HOXD3: variants seen among roughly 807,000 people sequenced by gnomAD.
HOXD3 encodes the protein homeobox D3.
In HOXD3, 13 loss-of-function variants were observed where a neutral mutation model predicts 32.8. That is an observed-to-expected ratio of 0.40 (90% CI 0.26 to 0.63). HOXD3 has a LOEUF of 0.63. HOXD3 is among the 20% of genes least tolerant of loss of function. The pLI, the probability that HOXD3 is intolerant of heterozygous loss-of-function variation, is 0.44. For synonymous variants in HOXD3, 241 were observed against 246.8 expected (o/e 0.98, Z 0.22); for missense variants, 504 against 577.1 (o/e 0.87, Z 1.30).
chr2:176,169,923 C>T (rs529549968), intron 3 of HOXD3, among the ~76,000 whole-genome samples: 14 of 152,146 alleles, frequency 9.2e-5, no homozygotes, highest in African/African-American at 3.4e-4. Context: ...TATCTGTTTT[C>T]CTGGGCTGCT....
intron 2 of HOXD3, among the ~76,000 whole-genome samples, chr2:176,167,817 T>C (rs954121772): frequency 3.3e-5 from 5 of 151,366 alleles, no homozygotes; most frequent in African/African-American, 4.9e-5. Context: ...AATTCACCTA[T>C]TCAACAAGCA....
upstream of HOXD3, among the ~76,000 whole-genome samples, chr2:176,155,020 C>A (rs995778845): frequency 6.6e-6 from 1 of 152,130 alleles, no homozygotes; most frequent in Admixed American, 6.5e-5. Context: ...GTATTTCAGC[C>A]GGGAGGACTG....
rs766630331 is a variant in HOXD3 at position 176,171,501 on chromosome 2, C to T, written c.542-16C>T. On this transcript the variant is annotated splice_polypyrimidine_tract_variant and intron_variant, in intron 3 of 3. Transcript: ENST00000683222. ...CCCACTCGCTCAGCGCCCTCCCTCTCTCCCTCCCTGCCCAGGAGAGAGCTG... is the reference window on the plus strand; with the variant it reads ...CCCACTCGCTCAGCGCCCTCCCTCTTTCCCTCCCTGCCCAGGAGAGAGCTG... 3.2e-6 allele frequency: 5 copies of T among 1,564,484 alleles called. No homozygotes were observed. Among genetic ancestry groups the T allele is most frequent in the Non-Finnish European group, 3.5e-6 (4 of 1,154,038 alleles).
intron 1 of HOXD3, among the ~76,000 whole-genome samples, chr2:176,157,874 C>T (rs2105429653): frequency 6.6e-6 from 1 of 152,168 alleles, no homozygotes; most frequent in Non-Finnish European, 1.5e-5. Flanking sequence ...GTTGCCTGGT[C>T]GCCTGTGTCT....
rs1380090116 is a variant in HOXD3, at chr2:176,172,353, C to T, written c.*79C>T. The T allele has an allele frequency of 1.5e-5, 20 of 1,363,370 alleles. No individual in the cohort carries two copies. The highest frequency in any genetic ancestry group is 2.0e-5 in the Non-Finnish European group (20 of 1,015,424). The allele number at this position is 1,363,370 out of a possible 1,614,324, so 84.5% of individuals were successfully genotyped here. On this transcript the variant is annotated 3_prime_UTR_variant, in exon 4 of 4. Transcript: ENST00000683222. Reference sequence around the variant, plus strand: ...GGGGTAGAGGGTGGGGCCCGCGGGGCAGTTCGGGAACCCCCTTCCCCGCTC... The same window carrying T: ...GGGGTAGAGGGTGGGGCCCGCGGGGTAGTTCGGGAACCCCCTTCCCCGCTC...
upstream of HOXD3, among the ~76,000 whole-genome samples, chr2:176,156,722 C>T (rs1248330307): frequency 3.3e-5 from 5 of 152,170 alleles, no homozygotes; most frequent in Non-Finnish European, 2.9e-5. Context: ...CTACATTTAC[C>T]GCAAGGGCTT....
Position 176,169,484 on chromosome 2 carries a change from C to T in HOXD3, c.370C>T (p.Pro124Ser), listed in dbSNP as rs1475391274. Residue 124 changes from proline (P) to serine (S), a missense_variant, in exon 3 of 4, where the codon CCG becomes TCG. Pro to Ser is a moderately conservative substitution (Grantham distance 74). Around this residue, in one of 3 missense-constraint regions of HOXD3, gnomAD observed 181 missense variants for 172.2 expected, o/e 1.05. Transcript: ENST00000683222. ...QQPPQPPPPP[P>S]TLPPSSPTNP... ...GCCACCACAACCCCCTCCTCCACCA[C>T]CGACCCTGCCCCCATCTTCACCCAC... The T allele has an allele frequency of 2.5e-6, 4 of 1,613,706 alleles. No individual in the cohort carries two copies. The highest frequency in any genetic ancestry group is 3.4e-6 in the Non-Finnish European group (4 of 1,179,824).
chr2:176,159,986 C>A (rs937695614), intron 1 of HOXD3, among the ~76,000 whole-genome samples: 3 of 152,214 alleles, frequency 2.0e-5, no homozygotes, highest in East Asian at 3.9e-4. Flanking sequence ...GGGTCCGGGT[C>A]GCCTGCTACG....
chr2:176,157,643 CGAGT>C (rs943575180), intron 1 of HOXD3, among the ~76,000 whole-genome samples, 191 bp downstream of exon 1: 5 of 151,844 alleles, frequency 3.3e-5, no homozygotes, highest in Admixed American at 2.0e-4. Context: ...TGAGAGCGGC[CGAGT>C]GTGTGTGTGT....
chr2:176,157,250 A>G (rs928385502), upstream of HOXD3, among the ~76,000 whole-genome samples: 10 of 152,134 alleles, frequency 6.6e-5, no homozygotes, highest in African/African-American at 2.4e-4. Context: ...AGATTTCTAC[A>G]AGTCCCGACC....
chr2:176,171,536 G>T lies in HOXD3; in HGVS notation c.561G>T (p.Lys187Asn). 2 of 1,592,554 alleles carry T rather than the reference G, an allele frequency of 1.3e-6. No individual in the cohort carries two copies. The highest frequency in any genetic ancestry group is 1.7e-6 in the Non-Finnish European group (2 of 1,168,482). Residue 187 changes from lysine to asparagine, a missense_variant, in exon 4 of 4, where the codon AAG becomes AAT. By Grantham distance (94) the Lys-to-Asn change is moderately conservative. This residue lies in a region of HOXD3 where 97 missense variants were observed against 158.0 expected (regional missense o/e 0.61). Transcript: ENST00000683222. ...CATAGESCED[K>N]SPPGPASKRV... ...GCCCAGGAGAGAGCTGCGAGGACAA[G>T]AGCCCGCCAGGCCCAGCATCCAAGC...
intron 2 of HOXD3, among the ~76,000 whole-genome samples, chr2:176,167,377 T>G (rs914655933): frequency 6.6e-6 from 1 of 152,228 alleles, no homozygotes; most frequent in Non-Finnish European, 1.5e-5. Context: ...CTCACCCATG[T>G]TCCATGCATT....
Position 176,169,626 on chromosome 2 carries a change from C to G in HOXD3, c.512C>G (p.Ser171Cys). The G allele has an allele frequency of 6.2e-7, 1 of 1,607,704 alleles. No individual in the cohort carries two copies. The highest frequency in any genetic ancestry group is 8.5e-7 in the Non-Finnish European group (1 of 1,176,242). The change falls in exon 3 of 4, where the codon TCC (serine) becomes TGC (cysteine). Residue 171 changes from serine to cysteine, a missense_variant. This residue lies in a region of HOXD3 where 97 missense variants were observed against 158.0 expected (regional missense o/e 0.61). Transcript: ENST00000683222. ...FPWMKESRQN[S>C]KQKNSCATAG... Reference sequence around the variant, plus strand: ...TGGATGAAAGAGTCTCGACAGAACTCCAAGCAGAAGAACAGCTGTGCCACT... The same window carrying G: ...TGGATGAAAGAGTCTCGACAGAACTGCAAGCAGAAGAACAGCTGTGCCACT...
chr2:176,171,712 G>T lies in HOXD3; in HGVS notation c.737G>T (p.Arg246Leu), dbSNP rs747637499. 1 of 1,614,120 alleles carries T rather than the reference G, an allele frequency of 6.2e-7. No individual in the cohort carries two copies. Among genetic ancestry groups the T allele is most frequent in the Non-Finnish European group, 8.5e-7 (1 of 1,180,032 alleles). Residue 246 changes from arginine (R) to leucine (L), a missense_variant, in exon 4 of 4, where the codon CGC (arginine) becomes CTC (leucine). By Grantham distance (102) the Arg-to-Leu change is moderately radical. Coordinates refer to ENST00000683222, the MANE Select transcript of HOXD3 (RefSeq NM_006898.5). ...ATCAAGATCTGGTTCCAGAACCGGCGCATGAAGTACAAGAAGGACCAGAAG... is the reference window on the plus strand; with the variant it reads ...ATCAAGATCTGGTTCCAGAACCGGCTCATGAAGTACAAGAAGGACCAGAAG... ...RQIKIWFQNR[R>L]MKYKKDQKAK... is the part of the protein sequence containing the mutation.
upstream of HOXD3, among the ~76,000 whole-genome samples, chr2:176,156,398 A>G (rs1440046423): frequency 6.6e-6 from 1 of 152,230 alleles, no homozygotes; most frequent in East Asian, 1.9e-4. Flanking sequence ...CCAGGTTGGC[A>G]TTCTGCTGGG....
upstream of HOXD3, among the ~76,000 whole-genome samples, chr2:176,154,901 C>CT (rs757027850): frequency 2.6e-4 from 40 of 152,294 alleles, no homozygotes; most frequent in East Asian, 1.2e-3. Flanking sequence ...GTCAAGACGT[C>CT]TTTTTTCTGA....
intron 1 of HOXD3, among the ~76,000 whole-genome samples, chr2:176,163,000 C>G (rs1309668227): frequency 6.6e-6 from 1 of 152,166 alleles, no homozygotes; most frequent in African/African-American, 2.4e-5. Flanking sequence ...CCTCAGGTCC[C>G]GGCCCAGCCA....
In HOXD3 at chr2:176,157,339, C is replaced by T. The variant is rs1056005305; in HGVS notation, c.-294C>T. Among the ~76,000 whole-genome samples the T allele has an allele frequency of 2.6e-5, 4 of 152,190 alleles. No homozygotes were observed. The highest frequency in any genetic ancestry group is 6.5e-5 in the Admixed American group (1 of 15,292). On this transcript the variant is annotated 5_prime_UTR_variant, in exon 1 of 4. Coordinates refer to ENST00000683222, the MANE Select transcript of HOXD3 (RefSeq NM_006898.5). ...TCATTAATCTGCCACGCAAAGGGCT[C>T]TCTCCGACTTGGAAAGTGCAGGGAT...
Position 176,159,761 on chromosome 2 carries a change from C to A in HOXD3, c.-181+2309C>A, listed in dbSNP as rs185298577. The stretch of plus-strand genomic sequence containing the variant: ...TTCATTGTCCCCCAGGTTAGCCCAG[C>A]CAGGACTCATTGCGCAGTCCTCCTC... On this transcript the variant is annotated intron_variant, in intron 1 of 3. Coordinates refer to ENST00000683222, the MANE Select transcript of HOXD3 (RefSeq NM_006898.5). Among the ~76,000 whole-genome samples the A allele has an allele frequency of 8.8e-4, 131 of 148,588 alleles. 1 individual carries two copies. The East Asian group carries it at 0.02, about 23-fold the overall frequency.
Sources: allele counts gnomAD v4.1 joint callset (sites outside exome capture counted in the v4.1 genomes callset), GRCh38; gene constraint gnomAD v4.1.1; regional missense constraint gnomAD v4.1.1; transcripts MANE v1.5; gene names NCBI Gene and HGNC (gene_info 2026-07-23, HGNC 2026-07-21).